Variants in PIK3R4 observed in about 807,000 individuals in gnomAD.
PIK3R4 encodes the protein phosphoinositide-3-kinase regulatory subunit 4, also known as phosphoinositide 3-kinase regulatory subunit 4.
In PIK3R4, 46 loss-of-function variants were observed where a neutral mutation model predicts 136.5. That is an observed-to-expected ratio of 0.34 (90% CI 0.27 to 0.43). PIK3R4 has a LOEUF of 0.43. Ranked by LOEUF, PIK3R4 falls within the 20% of genes least tolerant of loss-of-function variation. The pLI is 1.00. For synonymous variants in PIK3R4, 557 were observed against 566.7 expected (o/e 0.98, Z 0.24); for missense variants, 1,331 against 1,649.5 (o/e 0.81, Z 3.35).
intron 14 of PIK3R4, among the ~76,000 whole-genome samples, chr3:130,688,004 ATATTATGTATACTACT>A (rs1273070980): frequency 1.3e-5 from 2 of 152,212 alleles, no homozygotes; most frequent in Admixed American, 1.3e-4. Context: ...GCTAAAAGAT[ATATTATGTATACTACT>A]TCAGGCATGT....
chr3:130,690,124 A>G (rs1304052558), intron 14 of PIK3R4, among the ~76,000 whole-genome samples: 1 of 152,202 alleles, frequency 6.6e-6, no homozygotes, highest in Non-Finnish European at 1.5e-5. Context: ...ACATTCTCAA[A>G]ATCAGGCAGA....
At chr3:130,739,658 C>T (rs2066809340) in intron 2 of PIK3R4, among the ~76,000 whole-genome samples, 1 of 152,094 alleles carries the variant, frequency 6.6e-6, no homozygotes, top group Admixed American at 6.6e-5. Flanking sequence ...AAGTTTGAGC[C>T]ACCACACCAA....
Position 130,716,433 on chromosome 3 carries a change from G to A in PIK3R4, c.2294C>T (p.Pro765Leu), listed in dbSNP as rs1330250283. 1.9e-6 allele frequency: 3 copies of A among 1,614,210 alleles called. No homozygotes were observed. Among genetic ancestry groups the A allele is most frequent in the Admixed American group, 1.7e-5 (1 of 60,030 alleles). ...SLPDCPPPED[P>L]AIAQLLKKLL... is the part of the protein sequence containing the mutation. ...CTTCTTCAGAAGCTGTGCTATGGCA[G>A]GATCCTCTGGCGGAGGGCAGTCGGG... Residue 765 changes from proline (P) to leucine (L), a missense_variant, in exon 9 of 20, where the codon CCT becomes CTT. Transcript: ENST00000356763.
At chr3:130,723,263 A>C in intron 7 of PIK3R4, 151 bp downstream of exon 7, 1 of 644,028 alleles carries the variant, frequency 1.6e-6, no homozygotes, top group Non-Finnish European at 2.6e-6. Flanking sequence ...GCATGCACAC[A>C]TACACATACA....
At chr3:130,688,503 CT>C (rs1429617540) in intron 14 of PIK3R4, among the ~76,000 whole-genome samples, 1 of 152,176 alleles carries the variant, frequency 6.6e-6, no homozygotes, top group East Asian at 1.9e-4. Context: ...TCCTGGTTAA[CT>C]TTTTAAATTT....
chr3:130,688,502 A>G (rs894198128), intron 14 of PIK3R4, among the ~76,000 whole-genome samples: 21 of 152,218 alleles, frequency 1.4e-4, no homozygotes, highest in African/African-American at 4.8e-4. Flanking sequence ...ATCCTGGTTA[A>G]CTTTTTAAAT....
intron 13 of PIK3R4, among the ~76,000 whole-genome samples, chr3:130,695,358 T>C (rs566480303): frequency 1.3e-5 from 2 of 152,258 alleles, no homozygotes; most frequent in East Asian, 3.9e-4. Context: ...TCTCTTCTTA[T>C]CCACAGTTTC....
rs781371007 is a variant in PIK3R4 at position 130,716,538 on chromosome 3, T to A, written c.2189A>T (p.Asp730Val). 9 of 1,613,854 alleles carry A rather than the reference T, an allele frequency of 5.6e-6. No homozygotes were observed. In the East Asian group the frequency reaches 1.6e-4, roughly 28 times the overall value. ...LKEPVSRSIFDYALRSKDITS... is the reference protein window; with the variant it reads ...LKEPVSRSIFVYALRSKDITS... The stretch of plus-strand genomic sequence containing the variant: ...AATATCTTTAGACCTCAAAGCATAA[T>A]CAAATATAGAACGACTTACTGGTTC... The change falls in exon 9 of 20, where the codon GAT becomes GTT. Residue 730 changes from aspartate to valine, a missense_variant. Physicochemically the swap from Asp to Val is radical, Grantham distance 152 (BLOSUM62 -3). Transcript: ENST00000356763.
At chr3:130,690,676 T>G (rs1407819964) in intron 13 of PIK3R4, 22 bp from the exon 14 acceptor site, 1 of 1,515,516 alleles carries the variant, frequency 6.6e-7, no homozygotes, top group Non-Finnish European at 9.1e-7. Context: ...AAAAATAAAA[T>G]TCATTTATGA....
At chr3:130,687,397 T>G (rs561338091) in intron 14 of PIK3R4, among the ~76,000 whole-genome samples, 36 of 152,180 alleles carry the variant, frequency 2.4e-4, no homozygotes, top group Non-Finnish European at 3.5e-4. Context: ...ATTAAGCTGG[T>G]GTCTGCTAGG....
rs60432343 is a variant in PIK3R4, at chr3:130,697,063, C to CTTTTTT, written c.3099-6415_3099-6410dup. Among the ~76,000 whole-genome samples the CTTTTTT allele has an allele frequency of 1.5e-3, 109 of 73,060 alleles. 4 individuals are homozygous for CTTTTTT. The highest frequency in any genetic ancestry group is 2.4e-3 in the East Asian group (5 of 2,072). The allele number at this position is 73,060 out of a possible 152,430, so 47.9% of individuals were successfully genotyped here. ...TTCTATCTGACATTGGCCACTCCAG[C>CTTTTTT]TTTTTTTTTTTTTTTTTTTTTTTTT... On this transcript the variant is annotated intron_variant, in intron 13 of 19. Transcript: ENST00000356763.
At chr3:130,728,328 G>A in intron 6 of PIK3R4, 135 bp downstream of exon 6, 1 of 628,716 alleles carries the variant, frequency 1.6e-6, no homozygotes, top group South Asian at 2.2e-5. Context: ...TCCAAAAGCA[G>A]CATGAAGACA....
chr3:130,743,299 G>A (rs756207082), intron 2 of PIK3R4, among the ~76,000 whole-genome samples: 38 of 151,856 alleles, frequency 2.5e-4, no homozygotes, highest in Non-Finnish European at 5.3e-4. Context: ...CACGCCTGCA[G>A]TCCCGGCTAC....
At chr3:130,727,459 G>A (rs1159912787) in intron 6 of PIK3R4, among the ~76,000 whole-genome samples, 1 of 152,086 alleles carries the variant, frequency 6.6e-6, no homozygotes, top group African/African-American at 2.4e-5. Flanking sequence ...TCCTAACCTC[G>A]TGATCCGCCC....
Position 130,733,961 on chromosome 3 carries a change from A to G in PIK3R4, c.1037T>C (p.Ile346Thr). 1 of 1,614,168 alleles carries G rather than the reference A, an allele frequency of 6.2e-7. No individual in the cohort carries two copies. The highest frequency in any genetic ancestry group is 8.5e-7 in the Non-Finnish European group (1 of 1,180,010). Residue 346 changes from isoleucine (I) to threonine (T), a missense_variant, in exon 4 of 20, where the codon ATA becomes ACA. Transcript: ENST00000356763. ...FLSADERILV[I>T]RKDLGNIIHN... ...AATAATGTTGCCCAAATCCTTCCGT[A>G]TAACCAGAATACGCTCATCTGCAGA...
chr3:130,687,071 GT>G lies in PIK3R4; in HGVS notation c.3264-650del, dbSNP rs35548461. 2.5e-3 allele frequency among the ~76,000 whole-genome samples: 359 copies of G among 145,250 alleles called. 1 individual carries two copies. Among genetic ancestry groups the G allele is most frequent in the East Asian group, 0.014 (68 of 5,024 alleles). On this transcript the variant is annotated intron_variant, in intron 14 of 19. Coordinates refer to ENST00000356763, the MANE Select transcript of PIK3R4 (RefSeq NM_014602.3). The stretch of plus-strand genomic sequence containing the variant: ...ACAACCACAACTGTTTCAGATTTGG[GT>G]TTTTTTTTTTTTTTAGCATGAAACA...
chr3:130,711,930 C>A (rs1470676168), intron 9 of PIK3R4, among the ~76,000 whole-genome samples: 2 of 151,908 alleles, frequency 1.3e-5, no homozygotes, highest in African/African-American at 2.4e-5. Context: ...TCAAAAAGTG[C>A]AAAAATAAAA....
At chr3:130,680,825 A>G in intron 18 of PIK3R4, 104 bp from the exon 19 acceptor site, 1 of 821,922 alleles carries the variant, frequency 1.2e-6, no homozygotes, top group Admixed American at 2.7e-5. Context: ...TGCATTAGGA[A>G]AAGAGGTTTT....
chr3:130,686,355 C>A lies in PIK3R4; in HGVS notation c.3331G>T (p.Val1111Phe), dbSNP rs775335797. 2 of 1,613,104 alleles carry A rather than the reference C, an allele frequency of 1.2e-6. No individual in the cohort carries two copies. The highest frequency in any genetic ancestry group is 1.7e-6 in the Non-Finnish European group (2 of 1,179,194). The change falls in exon 15 of 20, where the codon GTT (valine) becomes TTT (phenylalanine). Residue 1111 changes from valine to phenylalanine, a missense_variant. Val to Phe is a conservative substitution (Grantham distance 50, BLOSUM62 -1). Coordinates refer to ENST00000356763, the MANE Select transcript of PIK3R4 (RefSeq NM_014602.3). Reference protein sequence around the residue: ...MHHFNSGAQSVLAYATVNGSL... With the variant: ...MHHFNSGAQSFLAYATVNGSL... The stretch of plus-strand genomic sequence containing the variant: ...CCATTCACAGTGGCATAGGCAAGAA[C>A]AGACTGTGCTCCAGAGTTGAAGTGA...
Sources: gnomAD v4.1 joint callset for allele counts (sites outside exome capture counted in the v4.1 genomes callset) on GRCh38, gnomAD v4.1.1 for gene constraint, MANE v1.5 for transcripts, NCBI Gene and HGNC (gene_info 2026-07-23, HGNC 2026-07-21) for gene names.